ASPM: variants seen among roughly 807,000 people sequenced by gnomAD.
ASPM encodes assembly factor for spindle microtubules.
In ASPM, 256 loss-of-function variants were observed where a neutral mutation model predicts 366.4. The observed-to-expected ratio is 0.70, with a 90% CI of 0.63 to 0.77. The LOEUF (loss-of-function observed/expected upper bound fraction) is 0.77. ASPM is among the 30% of genes least tolerant of loss of function. ASPM has a pLI of 0.00. For missense variants in ASPM, 4,146 were observed against 4,090.4 expected, an observed-to-expected ratio of 1.01 and a Z score of -0.37; for synonymous variants, 1,414 against 1,342.9, an observed-to-expected ratio of 1.05 and a Z score of -1.16.
rs2125096662 is a variant in ASPM at position 197,104,837 on chromosome 1, G to A, written c.4414C>T (p.Gln1472Ter). The change falls in exon 18 of 28, where the codon CAA becomes TAA. Residue 1472 changes from glutamine (Q) to a stop codon, truncating the protein, a stop_gained. Coordinates refer to ENST00000367409, the MANE Select transcript of ASPM (RefSeq NM_018136.5). LOFTEE classifies it high-confidence loss of function. ...TCTTTATGCATTCTATACCATGATT[G>A]TATGATAATAGCAGAATTTTCTTCT... Reference protein sequence around the residue: ...AKEENSAIIIQSWYRMHKELR... With the variant: ...AKEENSAIII 2 of 1,594,458 alleles carry A rather than the reference G, an allele frequency of 1.3e-6. No homozygotes were observed. Among genetic ancestry groups the A allele is most frequent in the Admixed American group, 1.7e-5 (1 of 57,346 alleles).
At position 197,125,148 on chromosome 1, in the gene ASPM, T is replaced by G; in HGVS notation, c.2980A>C (p.Lys994Gln). The G allele has an allele frequency of 1.2e-6, 2 of 1,614,078 alleles. No homozygotes were observed. Among genetic ancestry groups the G allele is most frequent in the South Asian group, 1.1e-5 (1 of 91,080 alleles). Reference protein sequence around the residue: ...LLTQNWDLSKKLRIPAISRLQ... With the variant: ...LLTQNWDLSKQLRIPAISRLQ... ...CGACTTATTGCCGGAATCCTGAGTT[T>G]CTTTGAGAGGTCCCAGTTCTGTGTG... Residue 994 changes from lysine to glutamine, a missense_variant, in exon 11 of 28, where the codon AAA becomes CAA. Physicochemically the swap from Lys to Gln is moderately conservative, Grantham distance 53. Around this residue, in one of 3 missense-constraint regions of ASPM, gnomAD observed 3,624 missense variants for 3,591.7 expected, o/e 1.01. Transcript: ENST00000367409.
intron 12 of ASPM, 80 bp from the exon 13 acceptor site, chr1:197,124,411 T>C (rs1234061151): frequency 9.7e-7 from 1 of 1,035,624 alleles, no homozygotes; most frequent in East Asian, 2.6e-5. Flanking sequence ...AAAGTAACTG[T>C]CTTCTATTTA....
chr1:197,089,195 G>T (rs1449663118), intron 25 of ASPM, among the ~76,000 whole-genome samples: 1 of 151,922 alleles, frequency 6.6e-6, no homozygotes, highest in Non-Finnish European at 1.5e-5. Context: ...AAGCAGTTTG[G>T]CCTCAGATCT....
chr1:197,102,099 TTGTC>T lies in ASPM; in HGVS notation c.7148_7151del (p.Arg2383LysfsTer6). 6.2e-7 allele frequency: 1 copy of T among 1,612,938 alleles called. No homozygotes were observed. Among genetic ancestry groups the T allele is most frequent in the Non-Finnish European group, 8.5e-7 (1 of 1,179,274 alleles). The stretch of plus-strand genomic sequence containing the variant: ...CCTGAAGGATCACAGCAGAGTGTCT[TTGTC>T]TGAGATAATGCTGCCTCTGCAGTTT... On this transcript the variant is annotated frameshift_variant, in exon 18 of 28. Coordinates refer to ENST00000367409, the MANE Select transcript of ASPM (RefSeq NM_018136.5). LOFTEE classifies it high-confidence loss of function.
chr1:197,135,118 A>G lies in ASPM; in HGVS notation c.2151T>C (p.Thr717=). 1 of 1,601,198 alleles carries G rather than the reference A, an allele frequency of 6.2e-7. No individual in the cohort carries two copies. Among genetic ancestry groups the G allele is most frequent in the South Asian group, 1.1e-5 (1 of 90,708 alleles). ...LNFILTPDDF[T]VKTNISEVNA... is the part of the protein sequence containing the mutation. The stretch of plus-strand genomic sequence containing the variant: ...TACCTTCAGAAATATTTGTTTTTAC[A>G]GTGAAGTCATCAGGGGTTAATATAA... Residue 717 remains threonine (T), a synonymous_variant, in exon 5 of 28, where the codon ACT becomes ACC. Coordinates refer to ENST00000367409, the MANE Select transcript of ASPM (RefSeq NM_018136.5).
chr1:197,109,480 CAG>C (rs879503684), intron 17 of ASPM, among the ~76,000 whole-genome samples: 7 of 151,932 alleles, frequency 4.6e-5, no homozygotes, highest in Non-Finnish European at 1.0e-4. Flanking sequence ...AGCTAAGAAA[CAG>C]AGACTCCTTC....
chr1:197,146,131 T>C lies in ASPM; in HGVS notation c.297+10A>G, dbSNP rs770381141. 4 of 1,613,926 alleles carry C rather than the reference T, an allele frequency of 2.5e-6. No individual in the cohort carries two copies. The highest frequency in any genetic ancestry group is 3.3e-5 in the Admixed American group (2 of 60,016). ...ACACCGGCCTGGAGCACGCTCCTCC[T>C]GAGACCTACCTGCAACACGAAACAG... On this transcript the variant is annotated intron_variant, in intron 1 of 27. Transcript: ENST00000367409.
Position 197,101,151 on chromosome 1 carries a change from T to G in ASPM, c.8100A>C (p.Arg2700=). 1 of 1,612,454 alleles carries G rather than the reference T, an allele frequency of 6.2e-7. No homozygotes were observed. Among genetic ancestry groups the G allele is most frequent in the East Asian group, 2.2e-5 (1 of 44,762 alleles). Reference sequence around the variant, plus strand: ...CATAATCAACTTTGGCCCTGTGCATTCGATAGAATGACTGAATTAGTGTGG... The same window carrying G: ...CATAATCAACTTTGGCCCTGTGCATGCGATAGAATGACTGAATTAGTGTGG... ...RAATLIQSFY[R]MHRAKVDYET... The change falls in exon 18 of 28, where the codon CGA becomes CGC. Residue 2700 remains arginine (R), a synonymous_variant. Transcript: ENST00000367409.
intron 10 of ASPM, 76 bp from the exon 11 acceptor site, chr1:197,125,267 T>C (rs769111318): frequency 5.8e-5 from 89 of 1,534,928 alleles, no homozygotes; most frequent in Non-Finnish European, 7.0e-5. Context: ...AATATAGTTA[T>C]TTCCCACATA....
At chr1:197,116,445 G>C (rs561298672) in intron 17 of ASPM, among the ~76,000 whole-genome samples, 2 of 152,270 alleles carry the variant, frequency 1.3e-5, no homozygotes, top group South Asian at 4.1e-4. Flanking sequence ...CAAACACAAA[G>C]TGAGCATATC....
chr1:197,115,352 G>A (rs568875295), intron 17 of ASPM, among the ~76,000 whole-genome samples: 17 of 152,166 alleles, frequency 1.1e-4, no homozygotes, highest in African/African-American at 3.9e-4. Context: ...TTCCTCCAAC[G>A]AAATCTTTAA....
chr1:197,108,971 CAA>C (rs564818123), intron 17 of ASPM, among the ~76,000 whole-genome samples: 264 of 69,742 alleles, frequency 3.8e-3, no homozygotes, highest in African/African-American at 9.3e-3. Flanking sequence ...ACCCTGTCTC[CAA>C]AAAAAAAAAA....
intron 6 of ASPM, among the ~76,000 whole-genome samples, chr1:197,132,728 A>C (rs1319396700): frequency 6.7e-6 from 1 of 149,894 alleles, no homozygotes; most frequent in East Asian, 1.9e-4. Context: ...ATGTGTGTGT[A>C]CGTATATATA....
Position 197,139,046 on chromosome 1 carries a change from C to A in ASPM, c.2026+721G>T, listed in dbSNP as rs556457882. The A allele has an allele frequency of 1.3e-3, 975 of 740,052 alleles. 2 individuals carry two copies. Among genetic ancestry groups the A allele is most frequent in the Non-Finnish European group, 1.8e-3 (744 of 404,182 alleles). 45.8% of individuals were successfully genotyped at this position (740,052 alleles called of 1,614,324 possible). A position where few individuals can be genotyped will look rare whatever the true frequency, so the allele number is the denominator to read the frequency against. On this transcript the variant is annotated intron_variant, in intron 4 of 27. Coordinates refer to ENST00000367409, the MANE Select transcript of ASPM (RefSeq NM_018136.5). ...GCTTCAAAGATTTCTTGAAAACTAA[C>A]TGGCTGGTTGTCTGGGCCCAGATCT...
Position 197,122,053 on chromosome 1 carries a change from A to T in ASPM, c.3742-10T>A. On this transcript the variant is annotated splice_polypyrimidine_tract_variant and intron_variant, in intron 15 of 27. Transcript: ENST00000367409. ...AATAGGTAATAACCACCTAAAAAAA[A>T]CCCACAAAAGATAAAAACAGAATAT... is the stretch of plus-strand genomic sequence containing the variant. The T allele has an allele frequency of 1.2e-6, 2 of 1,610,998 alleles. No homozygotes were observed. The highest frequency in any genetic ancestry group is 2.2e-5 in the South Asian group (2 of 90,936).
chr1:197,136,183 AT>A (rs1360328124), intron 4 of ASPM, among the ~76,000 whole-genome samples: 1 of 152,096 alleles, frequency 6.6e-6, no homozygotes, highest in Admixed American at 6.6e-5. Flanking sequence ...ACATTTCTAG[AT>A]TTTTTTTAAA....
At chr1:197,136,197 T>A (rs1440053953) in intron 4 of ASPM, among the ~76,000 whole-genome samples, 2 of 152,162 alleles carry the variant, frequency 1.3e-5, no homozygotes, top group African/African-American at 2.4e-5. Context: ...TTTTTAAAGC[T>A]GAAAAAATCC....
rs1162691872 is a variant in ASPM, at chr1:197,103,599, A to G, written c.5652T>C (p.Ala1884=). 6.2e-7 allele frequency: 1 copy of G among 1,612,968 alleles called. No homozygotes were observed. The highest frequency in any genetic ancestry group is 1.7e-5 in the Admixed American group (1 of 59,782). ...GTTTCCGAACCTTCCAGCCACGATA[A>G]GCAGACTGGAGGGAAATCACAGCTG... ...TKAAVISLQS[A]YRGWKVRKQI... The change falls in exon 18 of 28, where the codon GCT becomes GCC. Residue 1884 remains alanine, a synonymous_variant. Coordinates refer to ENST00000367409, the MANE Select transcript of ASPM (RefSeq NM_018136.5).
Position 197,142,656 on chromosome 1 carries a change from TATTA to T in ASPM, c.1592_1595del (p.Val531GlufsTer17), listed in dbSNP as rs2125113873. 1.2e-6 allele frequency: 2 copies of T among 1,612,554 alleles called. No homozygotes were observed. Among genetic ancestry groups the T allele is most frequent in the Non-Finnish European group, 1.7e-6 (2 of 1,178,926 alleles). The stretch of plus-strand genomic sequence containing the variant: ...AATCTTCTTTTTCCTTTTGATTATT[TATTA>T]CTTTTTCATGTTCACCCACTGCACT... On this transcript the variant is annotated frameshift_variant, in exon 3 of 28. Transcript: ENST00000367409. LOFTEE classifies it high-confidence loss of function.
Sources: gnomAD v4.1 joint callset for allele counts (sites outside exome capture counted in the v4.1 genomes callset) on GRCh38, gnomAD v4.1.1 for gene constraint, gnomAD v4.1.1 regional missense constraint, MANE v1.5 for transcripts, NCBI Gene and HGNC (gene_info 2026-07-23, HGNC 2026-07-21) for gene names.